Variants in RBFOX1 observed in about 807,000 individuals in gnomAD.
RBFOX1 encodes the protein RNA binding fox-1 homolog 1, also known as RNA binding protein fox-1 homolog 1.
Under a neutral mutation model 57.7 loss-of-function variants are expected in RBFOX1, and 8 were observed. That is an observed-to-expected ratio of 0.14 (90% CI 0.08 to 0.25). The LOEUF (loss-of-function observed/expected upper bound fraction) is 0.25, where lower values mean the gene tolerates loss of function less well. RBFOX1 is among the 10% of genes least tolerant of loss of function. RBFOX1 has a pLI of 1.00. For synonymous variants in RBFOX1, 326 were observed against 222.4 expected, an observed-to-expected ratio of 1.47 and a Z score of -4.15; for missense variants, 611 against 548.5, an observed-to-expected ratio of 1.11 and a Z score of -1.14.
chr16:6,767,791 G>A (rs1266257085), intron 3 of RBFOX1, among the ~76,000 whole-genome samples: 1 of 151,816 alleles, frequency 6.6e-6, no homozygotes, highest in Admixed American at 6.6e-5. Flanking sequence ...ACGGGTGCCT[G>A]TAATCCCAGC....
intron 4 of RBFOX1, among the ~76,000 whole-genome samples, chr16:7,200,979 G>C (rs573492347): frequency 6.6e-6 from 1 of 152,300 alleles, no homozygotes; most frequent in African/African-American, 2.4e-5. Flanking sequence ...GTATGGGAGA[G>C]AAAAATTAAT....
intron 4 of RBFOX1, among the ~76,000 whole-genome samples, chr16:7,094,375 A>G (rs1416135689): frequency 6.6e-6 from 1 of 151,036 alleles, no homozygotes; most frequent in African/African-American, 2.4e-5. Flanking sequence ...TCTTCCATTT[A>G]TTATCCGAAG....
chr16:6,293,665 A>T (rs1028148324), intron 1 of RBFOX1, among the ~76,000 whole-genome samples: 11 of 152,194 alleles, frequency 7.2e-5, no homozygotes, highest in African/African-American at 2.7e-4. Flanking sequence ...TCATAGAAAC[A>T]TAGGGAAGAG....
chr16:7,491,840 A>T (rs975720316), intron 4 of RBFOX1, among the ~76,000 whole-genome samples: 1 of 152,138 alleles, frequency 6.6e-6, no homozygotes, highest in Non-Finnish European at 1.5e-5. Flanking sequence ...TATTTAACAG[A>T]ATTTTAAGGA....
At chr16:6,887,586 C>T (rs1026198882) in intron 3 of RBFOX1, among the ~76,000 whole-genome samples, 1 of 151,720 alleles carries the variant, frequency 6.6e-6, no homozygotes, top group African/African-American at 2.4e-5. Flanking sequence ...CGAATTCTGC[C>T]ATATCACCAT....
At chr16:7,575,198 G>A (rs372566214) in intron 5 of RBFOX1, among the ~76,000 whole-genome samples, 126 of 152,072 alleles carry the variant, frequency 8.3e-4, no homozygotes, top group African/African-American at 2.8e-3. Flanking sequence ...GCAGTGGCAC[G>A]ATCTCGGCTC....
Position 7,189,582 on chromosome 16 carries a change from C to G in RBFOX1, c.27+137484C>G, listed in dbSNP as rs968584992. 8.0e-5 allele frequency among the ~76,000 whole-genome samples: 12 copies of G among 149,482 alleles called. No homozygotes were observed. In the South Asian group the frequency reaches 1.9e-3, roughly 23 times the overall value. ...ACACACACACACACACACACACACA[C>G]ACACATACACACACAAAATAGAGCA... On this transcript the variant is annotated intron_variant, in intron 4 of 15. Transcript: ENST00000550418.
intron 2 of RBFOX1, among the ~76,000 whole-genome samples, chr16:6,415,182 G>A (rs1374077014): frequency 6.7e-6 from 1 of 149,038 alleles, no homozygotes; most frequent in Non-Finnish European, 1.5e-5. Context: ...GTCGGAGGTT[G>A]CAGTGAGCCA....
chr16:7,370,480 C>A (rs958986872), intron 4 of RBFOX1, among the ~76,000 whole-genome samples: 2 of 152,144 alleles, frequency 1.3e-5, no homozygotes, highest in Non-Finnish European at 2.9e-5. Flanking sequence ...TTTTTATCAA[C>A]GCGGGTAAGT....
intron 3 of RBFOX1, among the ~76,000 whole-genome samples, chr16:5,757,372 C>T (rs1329158097): frequency 2.0e-5 from 3 of 151,860 alleles, no homozygotes; most frequent in African/African-American, 2.4e-5. Flanking sequence ...GCTGGGGCTA[C>T]ATGCCCATGC....
chr16:7,122,472 T>C (rs1600153061), intron 4 of RBFOX1, among the ~76,000 whole-genome samples: 1 of 152,048 alleles, frequency 6.6e-6, no homozygotes, highest in African/African-American at 2.4e-5. Context: ...TGAAAAGGTA[T>C]TTAACATCAT....
chr16:7,138,451 A>C (rs548744778), intron 4 of RBFOX1, among the ~76,000 whole-genome samples: 450 of 152,274 alleles, frequency 3.0e-3, no homozygotes, highest in African/African-American at 0.01. Context: ...AGGATGCTCA[A>C]AGCACCAGAC....
intron 2 of RBFOX1, among the ~76,000 whole-genome samples, chr16:6,508,563 T>C (rs1030587247): frequency 6.6e-6 from 1 of 152,146 alleles, no homozygotes; most frequent in African/African-American, 2.4e-5. Context: ...CTGTTGTCTA[T>C]AAGGTCCCGT....
At chr16:7,027,159 C>G (rs888514646) in intron 3 of RBFOX1, among the ~76,000 whole-genome samples, 1 of 152,156 alleles carries the variant, frequency 6.6e-6, no homozygotes. Flanking sequence ...ACCCTCCTTA[C>G]GAGACTGAGT....
chr16:7,053,642 A>G (rs1044761438), intron 4 of RBFOX1, among the ~76,000 whole-genome samples: 5 of 152,166 alleles, frequency 3.3e-5, no homozygotes, highest in Admixed American at 6.5e-5. Context: ...ACCTGTTTGC[A>G]TTTTGAGGGA....
At chr16:5,801,539 G>C (rs530521124) in intron 3 of RBFOX1, among the ~76,000 whole-genome samples, 14 of 152,202 alleles carry the variant, frequency 9.2e-5, no homozygotes, top group Admixed American at 3.9e-4. Flanking sequence ...ACACAGGCGC[G>C]GGAGCTGGGG....
intron 3 of RBFOX1, among the ~76,000 whole-genome samples, chr16:6,740,333 C>A (rs995950525): frequency 6.6e-6 from 1 of 152,048 alleles, no homozygotes; most frequent in African/African-American, 2.4e-5. Flanking sequence ...GAATGATTTC[C>A]CCTTAAATAC....
intron 3 of RBFOX1, among the ~76,000 whole-genome samples, chr16:6,658,223 A>G (rs1021059975): frequency 6.6e-6 from 1 of 151,734 alleles, no homozygotes; most frequent in Non-Finnish European, 1.5e-5. Flanking sequence ...GTGAATTTCA[A>G]CAGTGGAAGA....
At chr16:6,976,625 G>A (rs2086923415) in intron 3 of RBFOX1, among the ~76,000 whole-genome samples, 1 of 150,948 alleles carries the variant, frequency 6.6e-6, no homozygotes, top group African/African-American at 2.4e-5. Flanking sequence ...GTAAGAGGAA[G>A]AACGCATCCA....
Sources: gnomAD v4.1 joint callset for allele counts (sites outside exome capture counted in the v4.1 genomes callset) on GRCh38, gnomAD v4.1.1 for gene constraint, MANE v1.5 for transcripts, NCBI Gene and HGNC (gene_info 2026-07-23, HGNC 2026-07-21) for gene names.